The following PLPPR1 variants were observed in gnomAD, a reference collection of about 807,000 sequenced individuals.
PLPPR1 encodes the protein phospholipid phosphatase-related protein type 1.
A neutral mutation model predicts 33.1 loss-of-function variants in PLPPR1; 10 were observed. The observed-to-expected ratio is 0.30, with a 90% CI of 0.19 to 0.51. The LOEUF is 0.51. Ranked by LOEUF, PLPPR1 falls within the 20% of genes least tolerant of loss-of-function variation. PLPPR1 has a pLI of 0.97. For synonymous variants in PLPPR1, 151 were observed against 151.0 expected, an observed-to-expected ratio of 1.00 and a Z score of 0.00; for missense variants, 304 against 408.1, an observed-to-expected ratio of 0.74 and a Z score of 2.20.
chr9:101,052,863 T>C (rs1830239552), intron 1 of PLPPR1, among the ~76,000 whole-genome samples: 1 of 152,176 alleles, frequency 6.6e-6, no homozygotes, highest in Non-Finnish European at 1.5e-5. Context: ...CTGAGGCTCT[T>C]TTTGCTAAAC....
chr9:101,106,452 C>T (rs10481701), intron 1 of PLPPR1, among the ~76,000 whole-genome samples: 60,131 of 97,832 alleles, frequency 0.61, 19,549 homozygotes, highest in East Asian at 0.83. Context: ...AAAATTCTTT[C>T]CTTTAAGAAT....
intron 1 of PLPPR1, among the ~76,000 whole-genome samples, chr9:101,033,554 A>G (rs1184367028): frequency 2.0e-5 from 3 of 152,190 alleles, no homozygotes; most frequent in Admixed American, 1.3e-4. Context: ...GATTAAGGAG[A>G]GAAATAAGCC....
At chr9:101,096,578 A>G (rs929792711) in intron 1 of PLPPR1, among the ~76,000 whole-genome samples, 1 of 152,222 alleles carries the variant, frequency 6.6e-6, no homozygotes, top group Non-Finnish European at 1.5e-5. Context: ...GATCAAAGTG[A>G]ATAGTTTAAC....
intron 2 of PLPPR1, among the ~76,000 whole-genome samples, chr9:101,268,293 A>G (rs12353369): frequency 6.6e-6 from 1 of 151,892 alleles, no homozygotes; most frequent in Admixed American, 6.6e-5. Flanking sequence ...AAAAAAAAAG[A>G]AAAAAGAAAA....
intron 4 of PLPPR1, among the ~76,000 whole-genome samples, chr9:101,298,992 C>G (rs1352250232): frequency 6.6e-6 from 1 of 152,128 alleles, no homozygotes; most frequent in East Asian, 1.9e-4. Context: ...GGGAACCAGG[C>G]CAGCTCCATG....
At chr9:101,117,101 A>T (rs1189445814) in intron 1 of PLPPR1, among the ~76,000 whole-genome samples, 2 of 152,124 alleles carry the variant, frequency 1.3e-5, no homozygotes, top group Non-Finnish European at 1.5e-5. Context: ...TTATAAAAGG[A>T]AGGGGGAAAA....
intron 7 of PLPPR1, among the ~76,000 whole-genome samples, chr9:101,319,164 C>G (rs1798070049): frequency 6.6e-6 from 1 of 152,150 alleles, no homozygotes; most frequent in African/African-American, 2.4e-5. Context: ...CTCTCTAAGA[C>G]AAACTACCCT....
rs143891336 is a variant in PLPPR1 at position 101,052,511 on chromosome 9, T to C, written c.-46+23409T>C. Among the ~76,000 whole-genome samples, 468 of 152,254 alleles carry C rather than the reference T, an allele frequency of 3.1e-3. 3 individuals are homozygous for C. Among genetic ancestry groups the C allele is most frequent in the Non-Finnish European group, 4.6e-3 (312 of 67,996 alleles). On this transcript the variant is annotated intron_variant, in intron 1 of 7. Coordinates refer to ENST00000374874, the MANE Select transcript of PLPPR1 (RefSeq NM_207299.2). ...GGCTGAGAAGCCACAATCAAGGGCA[T>C]CTAGGGCCTCACTTGGCACATACAA...
rs759331154 is a variant in PLPPR1, at chr9:101,028,758, C to T, written c.-390C>T. 4.1e-4 allele frequency: 63 copies of T among 152,368 alleles called. No individual in the cohort carries two copies. Among genetic ancestry groups the T allele is most frequent in the Middle Eastern group, 3.1e-3 (1 of 318 alleles). 9.4% of individuals were successfully genotyped at this position (152,368 alleles called of 1,614,324 possible). On this transcript the variant is annotated 5_prime_UTR_variant, in exon 1 of 8. Transcript: ENST00000374874. ...TTGCTCTTTCCTTTCATTAAACAAACAGGAGATCCTGAAACCTGGACCCTG... is the reference window on the plus strand; with the variant it reads ...TTGCTCTTTCCTTTCATTAAACAAATAGGAGATCCTGAAACCTGGACCCTG...
At chr9:101,204,091 A>T (rs1371115699) in intron 2 of PLPPR1, among the ~76,000 whole-genome samples, 1 of 152,196 alleles carries the variant, frequency 6.6e-6, no homozygotes, top group African/African-American at 2.4e-5. Flanking sequence ...CCAGTATAAA[A>T]GGATTCCCTA....
intron 1 of PLPPR1, among the ~76,000 whole-genome samples, chr9:101,143,375 T>C (rs1831478619): frequency 6.6e-6 from 1 of 152,124 alleles, no homozygotes; most frequent in Non-Finnish European, 1.5e-5. Context: ...CTCCAGTTCA[T>C]ATATCGAAGC....
rs185689570 is a variant in PLPPR1 at position 101,322,284 on chromosome 9, G to A, written c.946-1741G>A. ...TAGATCAAAGCCACAGTTTGTTAAAGATTTAATAATTTCATAGACCCAAAG... is the reference window on the plus strand; with the variant it reads ...TAGATCAAAGCCACAGTTTGTTAAAAATTTAATAATTTCATAGACCCAAAG... On this transcript the variant is annotated intron_variant, in intron 7 of 7. Transcript: ENST00000374874. Among the ~76,000 whole-genome samples the A allele has an allele frequency of 2.4e-4, 34 of 141,232 alleles. 2 individuals carry two copies. In the Admixed American group the frequency reaches 2.4e-3, roughly 10 times the overall value. 92.7% of individuals were successfully genotyped at this position (141,232 alleles called of 152,430 possible). A position where few individuals can be genotyped will look rare whatever the true frequency, so the allele number is the denominator to read the frequency against.
At chr9:101,296,509 T>C (rs1274776779) in intron 4 of PLPPR1, among the ~76,000 whole-genome samples, 4 of 152,020 alleles carry the variant, frequency 2.6e-5, no homozygotes, top group South Asian at 2.1e-4. Context: ...TGTATGTTTA[T>C]TGCGGCACTA....
chr9:101,282,290 T>C (rs1340910261), intron 3 of PLPPR1, among the ~76,000 whole-genome samples: 2 of 151,912 alleles, frequency 1.3e-5, no homozygotes, highest in African/African-American at 2.4e-5. Flanking sequence ...AGTACATCAC[T>C]TTAAAAGAAT....
chr9:101,144,969 AT>A (rs1183679562), intron 1 of PLPPR1, among the ~76,000 whole-genome samples: 2 of 152,024 alleles, frequency 1.3e-5, no homozygotes, highest in Non-Finnish European at 2.9e-5. Flanking sequence ...CTTAATACTT[AT>A]TCCCCTTTCT....
chr9:101,072,294 C>A (rs1418077186), intron 1 of PLPPR1, among the ~76,000 whole-genome samples: 1 of 152,108 alleles, frequency 6.6e-6, no homozygotes, highest in Non-Finnish European at 1.5e-5. Flanking sequence ...GCTTAGCCCT[C>A]CTCTAGGTCT....
rs397937393 is a variant in PLPPR1, at chr9:101,102,093, C to CTTT, written c.-46+73010_-46+73012dup. ...GTAAACTCCTTGAAGGTAGGAACAA[C>CTTT]TTTTTTTTTTTTTTTTTTTTTGTGG... is the stretch of plus-strand genomic sequence containing the variant. On this transcript the variant is annotated intron_variant, in intron 1 of 7. Coordinates refer to ENST00000374874, the MANE Select transcript of PLPPR1 (RefSeq NM_207299.2). Among the ~76,000 whole-genome samples the CTTT allele has an allele frequency of 3.8e-3, 276 of 71,836 alleles. 3 individuals are homozygous for CTTT. Among genetic ancestry groups the CTTT allele is most frequent in the African/African-American group, 0.013 (224 of 17,572 alleles). 47.1% of individuals were successfully genotyped at this position (71,836 alleles called of 152,430 possible).
chr9:101,301,014 A>AAG (rs1291300486), intron 4 of PLPPR1, among the ~76,000 whole-genome samples: 4 of 152,352 alleles, frequency 2.6e-5, no homozygotes, highest in African/African-American at 9.6e-5. Context: ...AAATCCTGTT[A>AAG]AGAAGCAGAG....
At chr9:101,206,371 A>AT (rs1826588412) in intron 2 of PLPPR1, among the ~76,000 whole-genome samples, 1 of 152,198 alleles carries the variant, frequency 6.6e-6, no homozygotes, top group African/African-American at 2.4e-5. Context: ...TTGAGTACAG[A>AT]TTATGCTGTA....
Sources: allele counts gnomAD v4.1 joint callset (sites outside exome capture counted in the v4.1 genomes callset), GRCh38; gene constraint gnomAD v4.1.1; transcripts MANE v1.5; gene names NCBI Gene and HGNC (gene_info 2026-07-23, HGNC 2026-07-21).